The following ARHGAP22 variants were observed in gnomAD, a reference collection of about 807,000 sequenced individuals.
The protein encoded by ARHGAP22 is Rho GTPase activating protein 22, also known as rho GTPase-activating protein 22.
In ARHGAP22, 48 loss-of-function variants were observed where a neutral mutation model predicts 59.1. The observed-to-expected ratio is 0.81, with a 90% CI of 0.64 to 1.03. The LOEUF is 1.03. Ranked by LOEUF, ARHGAP22 falls within the 50% of genes least tolerant of loss-of-function variation. The pLI is 0.00. For synonymous variants in ARHGAP22, 445 were observed against 416.4 expected, an observed-to-expected ratio of 1.07 and a Z score of -0.84; for missense variants, 1,015 against 958.7, an observed-to-expected ratio of 1.06 and a Z score of -0.78.
intron 1 of ARHGAP22, among the ~76,000 whole-genome samples, chr10:48,617,456 T>C (rs956564902): frequency 6.6e-6 from 1 of 151,994 alleles, no homozygotes; most frequent in Non-Finnish European, 1.5e-5. Context: ...TTTTAGGACA[T>C]AAAACAAGTC....
chr10:48,442,329 G>T (rs2133461009), downstream of ARHGAP22, among the ~76,000 whole-genome samples: 1 of 152,324 alleles, frequency 6.6e-6, no homozygotes, highest in African/African-American at 2.4e-5. Context: ...TGCTCGGTGA[G>T]TGCTGGCTGC....
intron 1 of ARHGAP22, among the ~76,000 whole-genome samples, chr10:48,588,248 G>A (rs1428299279): frequency 3.3e-5 from 5 of 152,138 alleles, no homozygotes; most frequent in Non-Finnish European, 4.4e-5. Context: ...AGGCATCCCC[G>A]AGGGTTCCAC....
intron 1 of ARHGAP22, among the ~76,000 whole-genome samples, chr10:48,589,168 G>C (rs756335441): frequency 6.6e-6 from 1 of 152,102 alleles, no homozygotes; most frequent in Non-Finnish European, 1.5e-5. Context: ...TCCTGATATT[G>C]CTCTGACCAA....
intron 1 of ARHGAP22, among the ~76,000 whole-genome samples, chr10:48,625,376 G>A (rs1167769298): frequency 1.3e-5 from 2 of 152,126 alleles, no homozygotes; most frequent in Non-Finnish European, 2.9e-5. Context: ...GTCTAGCTGA[G>A]GGGCTGGAGT....
chr10:48,559,166 G>T (rs1359345050), intron 2 of ARHGAP22, among the ~76,000 whole-genome samples: 1 of 152,166 alleles, frequency 6.6e-6, no homozygotes, highest in African/African-American at 2.4e-5. Flanking sequence ...GCCAGGTCAG[G>T]GCTTAAGTGT....
chr10:48,584,401 C>T (rs918353576), intron 1 of ARHGAP22, among the ~76,000 whole-genome samples: 1 of 152,208 alleles, frequency 6.6e-6, no homozygotes, highest in Non-Finnish European at 1.5e-5. Context: ...CCTTCAAGAG[C>T]CAACTCAAAG....
At chr10:48,643,454 G>C (rs2062143752) in intron 1 of ARHGAP22, among the ~76,000 whole-genome samples, 1 of 152,088 alleles carries the variant, frequency 6.6e-6, no homozygotes, top group Non-Finnish European at 1.5e-5. Context: ...TCCTTTGTAG[G>C]GACATGGATG....
intron 1 of ARHGAP22, among the ~76,000 whole-genome samples, chr10:48,648,731 G>A (rs1191434422): frequency 4.6e-5 from 7 of 152,240 alleles, no homozygotes; most frequent in Non-Finnish European, 8.8e-5. Flanking sequence ...AAACATCAGA[G>A]CAGCAGGGAG....
intron 1 of ARHGAP22, among the ~76,000 whole-genome samples, chr10:48,594,900 C>T (rs1319986563): frequency 6.7e-6 from 1 of 149,164 alleles, no homozygotes; most frequent in Admixed American, 6.7e-5. Context: ...TCCCCCCCAA[C>T]TGTGTCCCCT....
Position 48,562,688 on chromosome 10 carries a change from G to A in ARHGAP22, c.235-7138C>T, listed in dbSNP as rs915583302. Among the ~76,000 whole-genome samples the A allele has an allele frequency of 4.6e-5, 7 of 152,258 alleles. 1 individual carries two copies. The South Asian group carries it at 1.0e-3, about 23-fold the overall frequency. ...TACAAGGAAGCTTTTGGCAGTGATG[G>A]ATATGTTTGCTGCCTTGATTGTGGT... On this transcript the variant is annotated intron_variant, in intron 2 of 9. Transcript: ENST00000249601.
At chr10:48,489,730 CTTTTTTT>C (rs377099863) in intron 3 of ARHGAP22, among the ~76,000 whole-genome samples, 8 of 119,590 alleles carry the variant, frequency 6.7e-5, no homozygotes, top group Admixed American at 5.2e-4. Flanking sequence ...GAGGCTGCCT[CTTTTTTT>C]TTTTTTTTTT....
intron 3 of ARHGAP22, among the ~76,000 whole-genome samples, chr10:48,520,696 G>C (rs77183088): frequency 0.071 from 10,845 of 152,084 alleles, 1,336 homozygotes; most frequent in African/African-American, 0.25. Flanking sequence ...GGGAGGGAGG[G>C]TGAGGATGTC....
chr10:48,611,406 C>G (rs376571565), intron 1 of ARHGAP22, among the ~76,000 whole-genome samples: 7 of 152,104 alleles, frequency 4.6e-5, no homozygotes, highest in Non-Finnish European at 1.0e-4. Context: ...AAGCTGCCCC[C>G]CTTCCTAGAA....
the ARHGAP22 span, among the ~76,000 whole-genome samples, chr10:48,433,117 G>A: frequency 5.9e-5 from 9 of 152,182 alleles, no homozygotes; most frequent in Admixed American, 2.0e-4. Context: ...AATGACCCAT[G>A]TGAGACTAAA....
chr10:48,604,642 G>C (rs1564985400), intron 1 of ARHGAP22, 121 bp downstream of exon 1: 1 of 1,488,134 alleles, frequency 6.7e-7, no homozygotes, highest in Non-Finnish European at 9.3e-7. Flanking sequence ...ACTATTCAGC[G>C]GCAATGGTCC....
At chr10:48,602,888 T>TGG (rs2135900916) in intron 1 of ARHGAP22, among the ~76,000 whole-genome samples, 1 of 152,338 alleles carries the variant, frequency 6.6e-6, no homozygotes, top group Non-Finnish European at 1.5e-5. Flanking sequence ...TGGCAACACT[T>TGG]GAACTATACT....
chr10:48,514,298 A>T (rs73298212), intron 3 of ARHGAP22, among the ~76,000 whole-genome samples: 1,670 of 152,276 alleles, frequency 0.011, 36 homozygotes, highest in African/African-American at 0.038. Context: ...AGAGATTTAC[A>T]CCTAGACACA....
chr10:48,447,787 C>T (rs193122834), intron 9 of ARHGAP22, among the ~76,000 whole-genome samples: 1 of 152,366 alleles, frequency 6.6e-6, no homozygotes, highest in East Asian at 1.9e-4. Flanking sequence ...AGCCCTGGTG[C>T]ACTCTTGGTG....
At chr10:48,496,944 A>T (rs915569069) in intron 3 of ARHGAP22, among the ~76,000 whole-genome samples, 4 of 152,076 alleles carry the variant, frequency 2.6e-5, no homozygotes, top group Non-Finnish European at 4.4e-5. Context: ...GCTCAGAGTG[A>T]AATGGGTATA....
Sources: gnomAD v4.1 joint callset for allele counts (sites outside exome capture counted in the v4.1 genomes callset) on GRCh38, gnomAD v4.1.1 for gene constraint, MANE v1.5 for transcripts, NCBI Gene and HGNC (gene_info 2026-07-23, HGNC 2026-07-21) for gene names.